CYP4F11: variants seen among roughly 807,000 people sequenced by gnomAD.
CYP4F11 encodes cytochrome P450 4F11.
CYP4F11 carries 79 observed loss-of-function variants against 62.2 expected under a neutral mutation model. That is an observed-to-expected ratio of 1.27 (90% CI 1.06 to 1.53). The LOEUF is 1.53. CYP4F11 is among the 40% of genes most tolerant of loss of function. The pLI is 0.00. For missense variants in CYP4F11, 777 were observed against 680.5 expected (o/e 1.14, Z -1.58); for synonymous variants, 290 against 263.7 (o/e 1.10, Z -0.97).
intron 11 of CYP4F11, 47 bp downstream of exon 11, chr19:15,914,258 C>T: frequency 1.3e-6 from 2 of 1,595,380 alleles, no homozygotes; most frequent in Non-Finnish European, 1.7e-6. Context: ...TTTTTGGACC[C>T]CTGCACCCAT....
chr19:15,914,444 C>T, intron 10 of CYP4F11, 57 bp from the exon 11 acceptor site: 1 of 1,580,562 alleles, frequency 6.3e-7, no homozygotes, highest in South Asian at 1.1e-5. Flanking sequence ...GGTGGGGTCT[C>T]CCAGTTGTCT....
At position 15,913,572 on chromosome 19, in the gene CYP4F11, G is replaced by A; in HGVS notation, c.*160C>T. On this transcript the variant is annotated 3_prime_UTR_variant, in exon 12 of 12. Transcript: ENST00000402119. ...CAGCCAGAGAGGCCGTCAGGGTTTT[G>A]GGTTCAGAGACGTCACCCTGCCTCC... is the stretch of plus-strand genomic sequence containing the variant. The A allele has an allele frequency of 1.2e-6, 1 of 869,014 alleles. No homozygotes were observed. The highest frequency in any genetic ancestry group is 2.5e-5 in the Admixed American group (1 of 40,734). 53.8% of individuals were successfully genotyped at this position (869,014 alleles called of 1,614,324 possible).
intron 6 of CYP4F11, among the ~76,000 whole-genome samples, chr19:15,923,238 CCTCTCTCTCTCTCTCTCTCT>C (rs3056063): frequency 2.7e-5 from 3 of 110,510 alleles, no homozygotes; most frequent in South Asian, 7.4e-4. Context: ...AAGCAAACAT[CCTCTCTCTCTCTCTCTCTCT>C]CTCTCTCTCT....
chr19:15,920,393 C>T (rs2089616592), intron 8 of CYP4F11, among the ~76,000 whole-genome samples: 1 of 152,168 alleles, frequency 6.6e-6, no homozygotes, highest in Non-Finnish European at 1.5e-5. Context: ...CTAGGACACA[C>T]AGAAAACCAT....
chr19:15,930,054 A>ATG (rs1261680122), intron 1 of CYP4F11, among the ~76,000 whole-genome samples: 6 of 105,608 alleles, frequency 5.7e-5, no homozygotes, highest in Admixed American at 9.2e-5. Flanking sequence ...TCTCTCTCTC[A>ATG]CGCTCTCTCT....
chr19:15,922,334 C>T, intron 7 of CYP4F11, 30 bp downstream of exon 7: 1 of 1,613,438 alleles, frequency 6.2e-7, no homozygotes, highest in African/African-American at 1.3e-5. Flanking sequence ...GGCCCCTGTC[C>T]CCACCGTAGT....
intron 6 of CYP4F11, 118 bp from the exon 7 acceptor site, chr19:15,922,548 A>G: frequency 3.8e-6 from 4 of 1,044,376 alleles, no homozygotes; most frequent in Non-Finnish European, 5.9e-6. Context: ...CAAGCCCATC[A>G]TGCACTCCTA....
At chr19:15,934,730 C>T (rs1178429782), upstream of CYP4F11, 4 of 293,670 alleles carry the variant, frequency 1.4e-5, no homozygotes, top group South Asian at 1.6e-4. Flanking sequence ...GCAGCCTTGA[C>T]CCACCCCAAC....
intron 6 of CYP4F11, among the ~76,000 whole-genome samples, chr19:15,922,761 A>G (rs759583174): frequency 4.6e-5 from 7 of 152,232 alleles, no homozygotes; most frequent in Non-Finnish European, 8.8e-5. Context: ...GGAGGTTAGA[A>G]ATTAAGTATT....
In CYP4F11 at chr19:15,913,391, C is replaced by T; in HGVS notation, c.*341G>A. On this transcript the variant is annotated 3_prime_UTR_variant, in exon 12 of 12. Transcript: ENST00000402119. ...AAGGGATCTGCCCCTATGGTTGTTTCTCGCTGAATCAGAGTCTCAGTCTTG... is the reference window on the plus strand; with the variant it reads ...AAGGGATCTGCCCCTATGGTTGTTTTTCGCTGAATCAGAGTCTCAGTCTTG... The T allele has an allele frequency of 3.0e-6, 1 of 329,802 alleles. No individual in the cohort carries two copies. The highest frequency in any genetic ancestry group is 2.7e-5 in the South Asian group (1 of 36,450). 20.4% of individuals were successfully genotyped at this position (329,802 alleles called of 1,614,324 possible).
At chr19:15,926,714 T>G (rs563848714) in intron 4 of CYP4F11, among the ~76,000 whole-genome samples, 18 of 152,268 alleles carry the variant, frequency 1.2e-4, no homozygotes, top group African/African-American at 4.3e-4. Context: ...GCTGAGGCCA[T>G]CCCAGGTCAG....
At chr19:15,923,778 C>T in intron 6 of CYP4F11, 34 bp downstream of exon 6, 1 of 1,597,540 alleles carries the variant, frequency 6.3e-7, no homozygotes, top group Non-Finnish European at 8.6e-7. Flanking sequence ...AATCTCCACT[C>T]TATTACTTGA....
At chr19:15,927,391 T>C (rs1359001823) in intron 3 of CYP4F11, 39 bp downstream of exon 3, 1 of 1,613,896 alleles carries the variant, frequency 6.2e-7, no homozygotes, top group East Asian at 2.2e-5. Flanking sequence ...CCCTTATCCC[T>C]AAAGGATATC....
At chr19:15,927,187 G>A (rs2089675221) in intron 4 of CYP4F11, 25 bp downstream of exon 4, 3 of 1,610,206 alleles carry the variant, frequency 1.9e-6, no homozygotes, top group East Asian at 4.5e-5. Context: ...GGCTCCAGCT[G>A]GGACCCAGAG....
At chr19:15,918,739 G>A (rs1343538566) in intron 8 of CYP4F11, among the ~76,000 whole-genome samples, 1 of 152,130 alleles carries the variant, frequency 6.6e-6, no homozygotes, top group Non-Finnish European at 1.5e-5. Context: ...CAGAATGCTA[G>A]TACCATAGAA....
intron 6 of CYP4F11, among the ~76,000 whole-genome samples, chr19:15,923,060 T>TGAAA (rs1214693166): frequency 6.6e-6 from 1 of 151,992 alleles, no homozygotes; most frequent in African/African-American, 2.4e-5. Flanking sequence ...TCAAAAAAAA[T>TGAAA]GAAAGAAAGA....
intron 4 of CYP4F11, 76 bp downstream of exon 4, chr19:15,927,136 A>G (rs1599378531): frequency 6.5e-7 from 1 of 1,543,462 alleles, no homozygotes; most frequent in East Asian, 2.3e-5. Context: ...AAGCACAACC[A>G]AAATTCCAGA....
At chr19:15,931,380 C>T (rs2089714686) in intron 1 of CYP4F11, among the ~76,000 whole-genome samples, 1 of 151,800 alleles carries the variant, frequency 6.6e-6, no homozygotes, top group Admixed American at 6.6e-5. Flanking sequence ...GGTGCAAATG[C>T]CAGGAGATCT....
intron 1 of CYP4F11, 87 bp from the exon 2 acceptor site, chr19:15,929,688 A>C (rs770198307): frequency 3.6e-5 from 51 of 1,413,386 alleles, no homozygotes; most frequent in Non-Finnish European, 4.9e-5. Context: ...GACCGAGCCA[A>C]GAGATGCCCA....
Sources: gnomAD v4.1 joint callset for allele counts (sites outside exome capture counted in the v4.1 genomes callset) on GRCh38, gnomAD v4.1.1 for gene constraint, MANE v1.5 for transcripts, NCBI Gene and HGNC (gene_info 2026-07-23, HGNC 2026-07-21) for gene names.